Variants in CAPZB observed in about 807,000 individuals in gnomAD.
The protein encoded by CAPZB is F-actin-capping protein subunit beta.
A neutral mutation model predicts 38.1 loss-of-function variants in CAPZB; 2 were observed. The ratio of observed to expected loss-of-function variants is 0.05; its 90% CI spans 0.02 to 0.17. The LOEUF is 0.17. Among genes scored for constraint, CAPZB ranks in the 10% least tolerant of loss-of-function variants. The pLI, the probability that CAPZB is intolerant of heterozygous loss-of-function variation, is 1.00. For missense variants in CAPZB, 161 were observed against 334.2 expected (o/e 0.48, Z 4.04); for synonymous variants, 107 against 127.4 (o/e 0.84, Z 1.08).
intron 4 of CAPZB, among the ~76,000 whole-genome samples, chr1:19,365,284 C>T (rs897755766): frequency 1.3e-5 from 2 of 152,172 alleles, no homozygotes; most frequent in African/African-American, 4.8e-5. Context: ...AACATTTCAA[C>T]GTCTCTTTTG....
intron 1 of CAPZB, among the ~76,000 whole-genome samples, chr1:19,457,403 C>T (rs927511122): frequency 3.3e-5 from 5 of 152,188 alleles, no homozygotes; most frequent in African/African-American, 1.2e-4. Context: ...CAATGGCGCA[C>T]AGGCTGGCTC....
At chr1:19,406,306 C>T (rs564347921) in intron 2 of CAPZB, among the ~76,000 whole-genome samples, 13 of 152,166 alleles carry the variant, frequency 8.5e-5, no homozygotes, top group Non-Finnish European at 1.6e-4. Flanking sequence ...CCCCTCCCCC[C>T]GGCACTACTG....
chr1:19,379,595 G>A (rs72651487), intron 3 of CAPZB, among the ~76,000 whole-genome samples: 28,897 of 152,168 alleles, frequency 0.19, 3,259 homozygotes, highest in South Asian at 0.3. Context: ...GGTTCTCCAC[G>A]TGAACACAGG....
At chr1:19,445,496 C>T (rs777504074) in intron 1 of CAPZB, among the ~76,000 whole-genome samples, 8 of 152,066 alleles carry the variant, frequency 5.3e-5, no homozygotes, top group Non-Finnish European at 1.0e-4. Context: ...CAAAGCATTA[C>T]AGAAAGTGAA....
intron 4 of CAPZB, among the ~76,000 whole-genome samples, chr1:19,366,182 C>T (rs1295339033): frequency 1.3e-5 from 2 of 149,682 alleles, no homozygotes; most frequent in African/African-American, 5.0e-5. Context: ...CATGGTGGCT[C>T]ACGCCTATAA....
chr1:19,403,536 G>A (rs755667401), intron 2 of CAPZB, among the ~76,000 whole-genome samples: 3 of 152,242 alleles, frequency 2.0e-5, no homozygotes, highest in Non-Finnish European at 4.4e-5. Context: ...GCCAGATCAA[G>A]AGCTCTTCCA....
chr1:19,449,027 C>G (rs557140943), intron 1 of CAPZB: 1 of 1,521,044 alleles, frequency 6.6e-7, no homozygotes, highest in Non-Finnish European at 8.9e-7. Context: ...GCTCGCTGCC[C>G]GCTCCTGACT....
chr1:19,342,636 G>T, intron 8 of CAPZB: 1 of 689,628 alleles, frequency 1.5e-6, no homozygotes, highest in East Asian at 2.7e-5. Context: ...GGGAGCACAC[G>T]TGGGGGTTAG....
chr1:19,349,140 C>A (rs140045431), intron 6 of CAPZB, among the ~76,000 whole-genome samples: 1 of 152,156 alleles, frequency 6.6e-6, no homozygotes, highest in African/African-American at 2.4e-5. Flanking sequence ...GGTGCCAAGA[C>A]GACGGGGTGG....
At chr1:19,389,716 G>A (rs764050143) in intron 2 of CAPZB, among the ~76,000 whole-genome samples, 4 of 152,148 alleles carry the variant, frequency 2.6e-5, no homozygotes, top group Non-Finnish European at 4.4e-5. Context: ...GTGAGCCACT[G>A]CGCCTGGCCA....
chr1:19,436,089 C>A (rs1179088541), intron 1 of CAPZB, among the ~76,000 whole-genome samples: 1 of 152,176 alleles, frequency 6.6e-6, no homozygotes, highest in African/African-American at 2.4e-5. Context: ...CAGTAGTCAC[C>A]CCTTATCTGC....
At chr1:19,373,010 C>T (rs563606634) in intron 4 of CAPZB, among the ~76,000 whole-genome samples, 77 of 152,282 alleles carry the variant, frequency 5.1e-4, no homozygotes, top group African/African-American at 1.5e-3. Flanking sequence ...TAAGCATTTG[C>T]GCAAACTGGC....
chr1:19,438,870 C>T (rs2094466765), intron 1 of CAPZB, among the ~76,000 whole-genome samples: 1 of 152,226 alleles, frequency 6.6e-6, no homozygotes. Context: ...AACGGTCGCT[C>T]CCTCCCTTTC....
chr1:19,364,071 G>T (rs1282807710), intron 4 of CAPZB, among the ~76,000 whole-genome samples: 2 of 152,258 alleles, frequency 1.3e-5, no homozygotes, highest in East Asian at 3.8e-4. Flanking sequence ...CTGAGGCACA[G>T]GCAGCAGCCA....
intron 2 of CAPZB, among the ~76,000 whole-genome samples, chr1:19,396,824 G>C (rs2094273068): frequency 6.6e-6 from 1 of 151,144 alleles, no homozygotes. Context: ...ACTGTGGCGA[G>C]CACCTGTAAT....
chr1:19,346,869 G>T (rs1439060780), intron 6 of CAPZB, among the ~76,000 whole-genome samples: 1 of 146,590 alleles, frequency 6.8e-6, no homozygotes, highest in Admixed American at 7.0e-5. Context: ...TGTCGCCCAG[G>T]CTGGAGTGCA....
At chr1:19,431,256 C>T (rs2094440904) in intron 1 of CAPZB, among the ~76,000 whole-genome samples, 1 of 152,190 alleles carries the variant, frequency 6.6e-6, no homozygotes. Flanking sequence ...GCATATCAGA[C>T]TTTCGGATTA....
At chr1:19,343,016 G>C (rs61766681) in intron 8 of CAPZB, among the ~76,000 whole-genome samples, 4 of 152,130 alleles carry the variant, frequency 2.6e-5, no homozygotes, top group Non-Finnish European at 5.9e-5. Context: ...GAGTGGTATC[G>C]CCGCTGCAGA....
intron 1 of CAPZB, among the ~76,000 whole-genome samples, chr1:19,459,876 G>A (rs548513095): frequency 9.2e-5 from 14 of 152,072 alleles, no homozygotes; most frequent in East Asian, 3.9e-4. Flanking sequence ...TGTCTACACC[G>A]CCCACCCCAT....
Sources: allele counts gnomAD v4.1 joint callset (sites outside exome capture counted in the v4.1 genomes callset), GRCh38; gene constraint gnomAD v4.1.1; transcripts MANE v1.5; gene names NCBI Gene and HGNC (gene_info 2026-07-23, HGNC 2026-07-21).